Variants in KCNH5 observed in about 807,000 individuals in gnomAD.
KCNH5 encodes the protein voltage-gated delayed rectifier potassium channel KCNH5.
KCNH5 carries 46 observed loss-of-function variants against 96.1 expected under a neutral mutation model. That is an observed-to-expected ratio of 0.48 (90% CI 0.38 to 0.61). The LOEUF (loss-of-function observed/expected upper bound fraction) is 0.61. KCNH5 is among the 20% of genes least tolerant of loss of function. The pLI, the probability that KCNH5 is intolerant of heterozygous loss-of-function variation, is 0.00. For missense variants in KCNH5, 907 were observed against 1,225.8 expected, an observed-to-expected ratio of 0.74 and a Z score of 3.88; for synonymous variants, 439 against 449.8, an observed-to-expected ratio of 0.98 and a Z score of 0.30.
At position 62,950,360 on chromosome 14, in the gene KCNH5, T is replaced by G; in HGVS notation, c.1142A>C (p.Asn381Thr). ...GAGCCAACTGTCTATTTGGATGGTG[T>G]TAGTGACTTCATCAATGACCTCGTA... Reference protein sequence around the residue: ...GDYEVIDEVTNTIQIDSWLYQ... With the variant: ...GDYEVIDEVTTTIQIDSWLYQ... Residue 381 changes from asparagine to threonine, a missense_variant, in exon 7 of 11, where the codon AAC (asparagine) becomes ACC (threonine). This residue lies in a region of KCNH5 where 370 missense variants were observed against 561.3 expected (regional missense o/e 0.66). Coordinates refer to ENST00000322893, the MANE Select transcript of KCNH5 (RefSeq NM_139318.5). The G allele has an allele frequency of 6.2e-7, 1 of 1,614,034 alleles. No homozygotes were observed. The highest frequency in any genetic ancestry group is 8.5e-7 in the Non-Finnish European group (1 of 1,179,974).
In KCNH5 at chr14:62,991,546, T is replaced by A. The variant is rs376572524; in HGVS notation, c.434-4359A>T. Reference sequence around the variant, plus strand: ...AGGCGGTTGTAAAATTGAGTAATCGTTTATGAGTTTTGCTATCAAAATGCC... The same window carrying A: ...AGGCGGTTGTAAAATTGAGTAATCGATTATGAGTTTTGCTATCAAAATGCC... On this transcript the variant is annotated intron_variant, in intron 4 of 10. Transcript: ENST00000322893. Among the ~76,000 whole-genome samples, 94 of 152,164 alleles carry A rather than the reference T, an allele frequency of 6.2e-4. 4 individuals are homozygous for A. In the East Asian group the frequency reaches 6.6e-3, roughly 11 times the overall value.
chr14:62,778,456 G>T (rs1243454017), intron 10 of KCNH5, among the ~76,000 whole-genome samples: 1 of 152,204 alleles, frequency 6.6e-6, no homozygotes, highest in East Asian at 1.9e-4. Context: ...AGGGAAATTT[G>T]TCATTGCAGA....
At chr14:62,729,894 C>T (rs1885013955) in intron 10 of KCNH5, among the ~76,000 whole-genome samples, 1 of 152,144 alleles carries the variant, frequency 6.6e-6, no homozygotes, top group Non-Finnish European at 1.5e-5. Context: ...AGAAGAGAGG[C>T]CCTGGGTCCC....
chr14:62,749,634 T>C (rs1566648282), intron 10 of KCNH5, among the ~76,000 whole-genome samples: 1 of 152,174 alleles, frequency 6.6e-6, no homozygotes, highest in African/African-American at 2.4e-5. Flanking sequence ...CTATGTCTAT[T>C]AGGAGGTCTG....
rs796263789 is a variant in KCNH5 at position 62,705,915 on chromosome 14, C to T, written c.*1593G>A. 3.0e-4 allele frequency: 46 copies of T among 152,180 alleles called. No individual in the cohort carries two copies. The highest frequency in any genetic ancestry group is 9.6e-4 in the African/African-American group (40 of 41,552). 9.4% of individuals were successfully genotyped at this position (152,180 alleles called of 1,614,324 possible). A position where few individuals can be genotyped will look rare whatever the true frequency, so the allele number is the denominator to read the frequency against. On this transcript the variant is annotated 3_prime_UTR_variant, in exon 11 of 11. Transcript: ENST00000322893. ...GGTCCCGTAATATATAAATTACTCA[C>T]ACATTTTTTTCAACTTCATGCAAAC... is the stretch of plus-strand genomic sequence containing the variant.
At chr14:62,918,068 T>G (rs751298420) in intron 7 of KCNH5, among the ~76,000 whole-genome samples, 18 of 152,178 alleles carry the variant, frequency 1.2e-4, no homozygotes, top group Non-Finnish European at 2.6e-4. Flanking sequence ...ATTCTAATCC[T>G]TACTAGATGT....
At chr14:62,826,525 T>C (rs1476685520) in intron 8 of KCNH5, among the ~76,000 whole-genome samples, 1 of 151,926 alleles carries the variant, frequency 6.6e-6, no homozygotes, top group African/African-American at 2.4e-5. Flanking sequence ...AACTGGTAGG[T>C]TAGGGCTAAG....
chr14:62,871,696 T>C (rs958704991), intron 7 of KCNH5, among the ~76,000 whole-genome samples: 6 of 152,108 alleles, frequency 3.9e-5, no homozygotes, highest in African/African-American at 9.7e-5. Context: ...CTTGTTATGA[T>C]ATGTGAGAAG....
chr14:62,998,166 A>C (rs1368841648), intron 4 of KCNH5, among the ~76,000 whole-genome samples: 1 of 152,152 alleles, frequency 6.6e-6, no homozygotes, highest in Non-Finnish European at 1.5e-5. Flanking sequence ...TAAATAAATA[A>C]AGCACAAATG....
chr14:62,949,594 C>T (rs974297325), intron 7 of KCNH5, among the ~76,000 whole-genome samples: 3 of 152,126 alleles, frequency 2.0e-5, no homozygotes, highest in African/African-American at 7.2e-5. Context: ...GCTGAATGGG[C>T]TTATATTCAG....
At chr14:62,906,960 T>C (rs1021777103) in intron 7 of KCNH5, among the ~76,000 whole-genome samples, 3 of 152,228 alleles carry the variant, frequency 2.0e-5, no homozygotes, top group African/African-American at 7.2e-5. Context: ...GAACAACGTA[T>C]AGCACTGTCT....
intron 7 of KCNH5, among the ~76,000 whole-genome samples, chr14:62,928,556 T>G (rs767853323): frequency 3.3e-5 from 5 of 152,100 alleles, no homozygotes; most frequent in Admixed American, 6.6e-5. Context: ...TACCCCATTT[T>G]ACCGATGCGG....
At chr14:62,998,084 C>T (rs775831557) in intron 4 of KCNH5, among the ~76,000 whole-genome samples, 18 of 151,948 alleles carry the variant, frequency 1.2e-4, no homozygotes, top group East Asian at 1.9e-4. Flanking sequence ...CGTATGGTAG[C>T]GCTTACCAAT....
chr14:62,841,187 G>A (rs1256334512), intron 8 of KCNH5, among the ~76,000 whole-genome samples: 3 of 151,808 alleles, frequency 2.0e-5, no homozygotes, highest in African/African-American at 4.8e-5. Context: ...AATAACAAAC[G>A]CAGTCAAATA....
Position 62,864,235 on chromosome 14 carries a change from C to G in KCNH5, c.1370-14383G>C, listed in dbSNP as rs139272888. ...TATTAATTGATTATTTTACAATAAC[C>G]CTGAATAATTTTTAGATAAAGAATA... On this transcript the variant is annotated intron_variant, in intron 7 of 10. Coordinates refer to ENST00000322893, the MANE Select transcript of KCNH5 (RefSeq NM_139318.5). Among the ~76,000 whole-genome samples, 814 of 152,030 alleles carry G rather than the reference C, an allele frequency of 5.4e-3. 7 individuals are homozygous for G. The highest frequency in any genetic ancestry group is 0.019 in the African/African-American group (782 of 41,462).
intron 7 of KCNH5, among the ~76,000 whole-genome samples, chr14:62,900,696 T>G (rs1888907067): frequency 6.6e-6 from 1 of 151,464 alleles, no homozygotes; most frequent in Non-Finnish European, 1.5e-5. Context: ...AGAAATTTAA[T>G]GAAGGAAATC....
At chr14:62,947,495 T>C (rs944154979) in intron 7 of KCNH5, among the ~76,000 whole-genome samples, 23 of 152,196 alleles carry the variant, frequency 1.5e-4, no homozygotes, top group African/African-American at 5.3e-4. Context: ...TTCTTGTTCC[T>C]ATACCTGTAC....
intron 6 of KCNH5, among the ~76,000 whole-genome samples, chr14:62,969,510 C>A (rs1890362621): frequency 6.6e-6 from 1 of 152,026 alleles, no homozygotes; most frequent in African/African-American, 2.4e-5. Flanking sequence ...ACCACATGTT[C>A]TTACTCATAA....
Position 62,981,184 on chromosome 14 carries a change from A to G in KCNH5, c.630T>C (p.Tyr210=), listed in dbSNP as rs1282420312. The G allele has an allele frequency of 1.4e-5, 22 of 1,613,870 alleles. No individual in the cohort carries two copies. The highest frequency in any genetic ancestry group is 1.8e-5 in the Non-Finnish European group (21 of 1,179,848). The part of the protein sequence containing the change: ...PKTPPHIILH[Y]CAFKTTWDWV... Reference sequence around the variant, plus strand: ...AATCCCAAGTAGTTTTAAAAGCACAATAATGTAAAATAATGTGTGGTGGCG... The same window carrying G: ...AATCCCAAGTAGTTTTAAAAGCACAGTAATGTAAAATAATGTGTGGTGGCG... The change falls in exon 6 of 11, where the codon TAT becomes TAC. Residue 210 remains tyrosine (Y), a synonymous_variant. Transcript: ENST00000322893.
Sources: gnomAD v4.1 joint callset for allele counts (sites outside exome capture counted in the v4.1 genomes callset) on GRCh38, gnomAD v4.1.1 for gene constraint, gnomAD v4.1.1 regional missense constraint, MANE v1.5 for transcripts, NCBI Gene and HGNC (gene_info 2026-07-23, HGNC 2026-07-21) for gene names.